WIPF3: variants seen among roughly 807,000 people sequenced by gnomAD.
WIPF3 encodes WAS/WASL-interacting protein family member 3.
A neutral mutation model predicts 38.9 loss-of-function variants in WIPF3; 33 were observed. The ratio of observed to expected loss-of-function variants is 0.85; its 90% CI spans 0.64 to 1.14. The LOEUF (loss-of-function observed/expected upper bound fraction) is 1.14, where lower values mean the gene tolerates loss of function less well. Ranked by LOEUF, WIPF3 falls within the 50% of genes most tolerant of loss-of-function variation. The pLI, the probability that WIPF3 is intolerant of heterozygous loss-of-function variation, is 0.00. For synonymous variants in WIPF3, 324 were observed against 269.3 expected, an observed-to-expected ratio of 1.20 and a Z score of -1.99; for missense variants, 711 against 652.5, an observed-to-expected ratio of 1.09 and a Z score of -0.98.
At chr7:29,882,319 C>G (rs1388895534) in intron 4 of WIPF3, among the ~76,000 whole-genome samples, 43 of 152,320 alleles carry the variant, frequency 2.8e-4, no homozygotes, top group Admixed American at 2.8e-3. Context: ...TAGGCTCTGC[C>G]TTGTTTAGGC....
At chr7:29,869,988 T>C (rs954046400) in intron 2 of WIPF3, among the ~76,000 whole-genome samples, 4 of 152,158 alleles carry the variant, frequency 2.6e-5, no homozygotes, top group African/African-American at 9.7e-5. Context: ...GGAAAGTCAT[T>C]GCAGATTTTG....
chr7:29,913,773 A>T (rs1243016753), intron 8 of WIPF3, among the ~76,000 whole-genome samples: 1 of 152,194 alleles, frequency 6.6e-6, no homozygotes, highest in African/African-American at 2.4e-5. Flanking sequence ...ATAATGCCTC[A>T]CTGCTTTTCC....
intron 1 of WIPF3, among the ~76,000 whole-genome samples, chr7:29,824,043 G>A (rs1201698590): frequency 6.6e-6 from 1 of 152,164 alleles, no homozygotes; most frequent in Non-Finnish European, 1.5e-5. Flanking sequence ...TTTGGCATTC[G>A]GCATTACTTT....
intron 2 of WIPF3, among the ~76,000 whole-genome samples, chr7:29,873,198 A>G (rs956043385): frequency 6.6e-6 from 1 of 152,158 alleles, no homozygotes; most frequent in African/African-American, 2.4e-5. Context: ...CTCCCCTCCA[A>G]TCCCCAAGGG....
chr7:29,872,150 CTT>C (rs1253464334), intron 2 of WIPF3, among the ~76,000 whole-genome samples: 2 of 152,146 alleles, frequency 1.3e-5, no homozygotes, highest in Admixed American at 6.5e-5. Context: ...CCTTGACTGT[CTT>C]TTTAGTGACG....
intron 7 of WIPF3, among the ~76,000 whole-genome samples, chr7:29,901,519 G>A (rs939002703): frequency 2.6e-5 from 4 of 151,198 alleles, no homozygotes; most frequent in Non-Finnish European, 5.9e-5. Context: ...AGCCAGGTGC[G>A]ATGGCTCATG....
intron 1 of WIPF3, among the ~76,000 whole-genome samples, chr7:29,830,611 C>A (rs1784702337): frequency 1.6e-5 from 2 of 128,224 alleles, no homozygotes; most frequent in South Asian, 2.6e-4. Flanking sequence ...CAGAGCGAGA[C>A]TCTGTCTCAA....
Position 29,884,261 on chromosome 7 carries a change from A to G in WIPF3, c.767A>G (p.His256Arg). ...GTGAAGCCTCAGCTGGCTCCCTTGCACCTCCCGCCCATCCCGCCCCCGCTC... is the reference window on the plus strand; with the variant it reads ...GTGAAGCCTCAGCTGGCTCCCTTGCGCCTCCCGCCCATCCCGCCCCCGCTC... ...KAVKPQLAPL[H>R]LPPIPPPLPL... Residue 256 changes from histidine to arginine, a missense_variant, in exon 5 of 9, where the codon CAC becomes CGC. By Grantham distance (29) the His-to-Arg change is conservative (BLOSUM62 0). Transcript: ENST00000242140. 3 of 1,450,826 alleles carry G rather than the reference A, an allele frequency of 2.1e-6. No individual in the cohort carries two copies. Among genetic ancestry groups the G allele is most frequent in the Non-Finnish European group, 2.7e-6 (3 of 1,101,954 alleles). 89.9% of individuals were successfully genotyped at this position (1,450,826 alleles called of 1,614,324 possible).
chr7:29,856,317 T>A (rs1414092667), intron 2 of WIPF3, among the ~76,000 whole-genome samples: 1 of 152,218 alleles, frequency 6.6e-6, no homozygotes, highest in Non-Finnish European at 1.5e-5. Context: ...TCCTTCTTAC[T>A]TTAAAATTCT....
intron 2 of WIPF3, among the ~76,000 whole-genome samples, chr7:29,874,999 G>A (rs1440462418): frequency 6.6e-6 from 1 of 152,096 alleles, no homozygotes; most frequent in Admixed American, 6.6e-5. Context: ...TCAAACAGAC[G>A]ATTTCTTAGT....
chr7:29,830,491 G>A (rs1784700338), intron 1 of WIPF3, among the ~76,000 whole-genome samples: 1 of 151,880 alleles, frequency 6.6e-6, no homozygotes, highest in Non-Finnish European at 1.5e-5. Context: ...GTGGCAGTGT[G>A]TGCCTGTAGT....
intron 1 of WIPF3, among the ~76,000 whole-genome samples, chr7:29,819,908 C>T (rs1011152334): frequency 3.9e-5 from 6 of 152,018 alleles, no homozygotes; most frequent in African/African-American, 1.2e-4. Flanking sequence ...TTGAGATTTT[C>T]TTTGCACTAT....
At chr7:29,858,261 T>C (rs1047303136) in intron 2 of WIPF3, among the ~76,000 whole-genome samples, 2 of 152,248 alleles carry the variant, frequency 1.3e-5, no homozygotes, top group African/African-American at 2.4e-5. Context: ...AGATGCTTCA[T>C]GGTCTTTAAA....
At position 29,904,361 on chromosome 7, in the gene WIPF3, A is replaced by T; in HGVS notation, c.1427A>T (p.Gln476Leu). 1 of 1,613,640 alleles carries T rather than the reference A, an allele frequency of 6.2e-7. No homozygotes were observed. The highest frequency in any genetic ancestry group is 1.1e-5 in the South Asian group (1 of 91,074). The change falls in exon 8 of 9, where the codon CAG (glutamine) becomes CTG (leucine). Residue 476 changes from glutamine (Q) to leucine (L), a missense_variant and splice_region_variant. Gln to Leu is a moderately radical substitution (Grantham distance 113). Coordinates refer to ENST00000242140, the MANE Select transcript of WIPF3 (RefSeq NM_001080529.3). ...SSDDIKGRNS[Q>L]LSLKTLR ...GATGACATCAAAGGCAGAAATTCTC[A>T]GGTAACACAAGCCTCATGTCTCTGA...
intron 1 of WIPF3, among the ~76,000 whole-genome samples, chr7:29,808,690 A>AGTGTGT (rs59634993): frequency 1.3e-4 from 20 of 150,478 alleles, no homozygotes; most frequent in South Asian, 1.1e-3. Context: ...GAATGGAGGA[A>AGTGTGT]GTGTGTGTGT....
At chr7:29,891,487 A>G (rs1406220732) in intron 7 of WIPF3, among the ~76,000 whole-genome samples, 1 of 152,202 alleles carries the variant, frequency 6.6e-6, no homozygotes, top group East Asian at 1.9e-4. Context: ...AATAAAATGT[A>G]AATACCAACT....
chr7:29,893,117 A>G (rs1786061075), intron 7 of WIPF3, among the ~76,000 whole-genome samples: 1 of 151,870 alleles, frequency 6.6e-6, no homozygotes, highest in Admixed American at 6.6e-5. Flanking sequence ...TGGATGGAGG[A>G]GGTCCTCAGA....
At chr7:29,853,896 C>G (rs1427998230) in intron 2 of WIPF3, among the ~76,000 whole-genome samples, 3 of 152,190 alleles carry the variant, frequency 2.0e-5, no homozygotes, top group African/African-American at 7.2e-5. Flanking sequence ...TACCGTTTTC[C>G]TGGCTTTGGA....
intron 1 of WIPF3, among the ~76,000 whole-genome samples, chr7:29,821,196 A>G (rs1784531685): frequency 6.6e-6 from 1 of 152,220 alleles, no homozygotes; most frequent in African/African-American, 2.4e-5. Context: ...TTTAGGTCAC[A>G]CATTGTTTCT....
Sources: gnomAD v4.1 joint callset for allele counts (sites outside exome capture counted in the v4.1 genomes callset) on GRCh38, gnomAD v4.1.1 for gene constraint, MANE v1.5 for transcripts, NCBI Gene and HGNC (gene_info 2026-07-23, HGNC 2026-07-21) for gene names.